Variants in SLC49A4 observed in about 807,000 individuals in gnomAD.
SLC49A4 encodes the protein disrupted in renal cancer protein 2.
In SLC49A4, 36 loss-of-function variants were observed where a neutral mutation model predicts 50.6. The ratio of observed to expected loss-of-function variants is 0.71; its 90% CI spans 0.55 to 0.94. SLC49A4 has a LOEUF of 0.94. Among genes scored for constraint, SLC49A4 ranks in the 40% least tolerant of loss-of-function variants. The pLI, the probability that SLC49A4 is intolerant of heterozygous loss-of-function variation, is 0.00. For synonymous variants in SLC49A4, 248 were observed against 241.2 expected (o/e 1.03, Z -0.26); for missense variants, 503 against 605.7 (o/e 0.83, Z 1.78).
At chr3:122,824,982 C>T (rs766949219) in intron 2 of SLC49A4, among the ~76,000 whole-genome samples, 40 of 152,078 alleles carry the variant, frequency 2.6e-4, no homozygotes, top group Admixed American at 1.5e-3. Flanking sequence ...ATCCACCCAC[C>T]TCGGCCTCCC....
intron 3 of SLC49A4, among the ~76,000 whole-genome samples, chr3:122,829,579 C>T (rs954460778): frequency 6.6e-6 from 1 of 152,144 alleles, no homozygotes; most frequent in Non-Finnish European, 1.5e-5. Context: ...ATAGCAAAAC[C>T]CCATCTCTAC....
intron 3 of SLC49A4, among the ~76,000 whole-genome samples, chr3:122,829,333 C>T (rs1355612214): frequency 6.6e-6 from 1 of 152,268 alleles, no homozygotes; most frequent in Middle Eastern, 3.4e-3. Context: ...AGGGAAAAAA[C>T]ATGATCATCT....
At chr3:122,853,242 T>C (rs1576306991) in intron 5 of SLC49A4, among the ~76,000 whole-genome samples, 1 of 152,174 alleles carries the variant, frequency 6.6e-6, no homozygotes, top group East Asian at 1.9e-4. Context: ...ATAAGGGCAC[T>C]CATCCCTTAA....
intron 2 of SLC49A4, among the ~76,000 whole-genome samples, chr3:122,818,884 A>G (rs1189381633): frequency 1.3e-5 from 2 of 151,996 alleles, no homozygotes; most frequent in African/African-American, 2.4e-5. Flanking sequence ...CAGAGGTTGC[A>G]GTGAGCTGAA....
chr3:122,806,705 G>A (rs986907151), intron 1 of SLC49A4, 152 bp from the exon 2 acceptor site: 22 of 566,622 alleles, frequency 3.9e-5, no homozygotes, highest in Non-Finnish European at 5.9e-5. Flanking sequence ...TGTAGGGTTC[G>A]TTGTTTTTTT....
intron 4 of SLC49A4, among the ~76,000 whole-genome samples, chr3:122,842,485 C>CAAAAAA (rs34914829): frequency 1.2e-4 from 7 of 58,762 alleles, no homozygotes; most frequent in Non-Finnish European, 1.7e-4. Context: ...GACTCCGTCT[C>CAAAAAA]AAAAAAAAAA....
intron 2 of SLC49A4, among the ~76,000 whole-genome samples, chr3:122,824,681 C>T (rs1303908759): frequency 9.6e-5 from 14 of 145,940 alleles, no homozygotes; most frequent in Non-Finnish European, 2.0e-4. Context: ...TCCTTCCTTC[C>T]CTCCCTCCCT....
At chr3:122,849,721 TG>T (rs1936900642) in intron 5 of SLC49A4, among the ~76,000 whole-genome samples, 2 of 152,270 alleles carry the variant, frequency 1.3e-5, no homozygotes, top group African/African-American at 4.8e-5. Flanking sequence ...AGATAGATAG[TG>T]GTTCTTAATC....
chr3:122,821,362 A>G (rs1936449981), intron 2 of SLC49A4, among the ~76,000 whole-genome samples: 1 of 152,178 alleles, frequency 6.6e-6, no homozygotes, highest in Admixed American at 6.5e-5. Flanking sequence ...AAAAGGAGAA[A>G]GACTTCAGAG....
At chr3:122,808,675 A>G (rs767791618) in intron 2 of SLC49A4, among the ~76,000 whole-genome samples, 3 of 152,152 alleles carry the variant, frequency 2.0e-5, no homozygotes, top group Non-Finnish European at 4.4e-5. Context: ...TGAGAGTGCC[A>G]TGGTGCTCGG....
At chr3:122,820,383 T>C (rs564374556) in intron 2 of SLC49A4, among the ~76,000 whole-genome samples, 24 of 152,342 alleles carry the variant, frequency 1.6e-4, no homozygotes, top group African/African-American at 5.5e-4. Context: ...GTTATTAACT[T>C]TCTGGAAGGG....
At position 122,833,371 on chromosome 3, in the gene SLC49A4, G is replaced by T. The variant is rs369259024; in HGVS notation, c.758G>T (p.Arg253Leu). The change falls in exon 4 of 9, where the codon CGA becomes CTA. Residue 253 changes from arginine (R) to leucine (L), a missense_variant. Transcript: ENST00000261038. Reference protein sequence around the residue: ...FSATLAYFPPRPPLPPSVAAA... With the variant: ...FSATLAYFPPLPPLPPSVAAA... ...GCAACACTAGCTTATTTCCCACCCC[G>T]ACCTCCTCTTCCTCCCAGTGTTGCT... 1.7e-5 allele frequency: 27 copies of T among 1,610,912 alleles called. No homozygotes were observed. Among genetic ancestry groups the T allele is most frequent in the Admixed American group, 6.7e-5 (4 of 59,928 alleles).
At chr3:122,848,668 T>A (rs1385707359) in intron 5 of SLC49A4, among the ~76,000 whole-genome samples, 7 of 151,430 alleles carry the variant, frequency 4.6e-5, no homozygotes, top group African/African-American at 1.7e-4. Context: ...AATTTTTATT[T>A]TATTTTTCTT....
chr3:122,796,741 G>T (rs557596434), intron 1 of SLC49A4, among the ~76,000 whole-genome samples: 1 of 152,134 alleles, frequency 6.6e-6, no homozygotes, highest in African/African-American at 2.4e-5. Flanking sequence ...TGAATTTGAG[G>T]CCTGGCGCAG....
At chr3:122,865,788 C>G (rs1937111021) in intron 7 of SLC49A4, among the ~76,000 whole-genome samples, 1 of 152,164 alleles carries the variant, frequency 6.6e-6, no homozygotes, top group East Asian at 1.9e-4. Flanking sequence ...AAAGTTCAGT[C>G]AGTATGCACA....
At chr3:122,840,891 G>A (rs1936761249) in intron 4 of SLC49A4, among the ~76,000 whole-genome samples, 1 of 152,010 alleles carries the variant, frequency 6.6e-6, no homozygotes, top group African/African-American at 2.4e-5. Flanking sequence ...CATTCTATAG[G>A]CCATTGTTTG....
intron 1 of SLC49A4, among the ~76,000 whole-genome samples, chr3:122,799,008 T>C (rs1936092495): frequency 6.6e-6 from 1 of 152,046 alleles, no homozygotes; most frequent in South Asian, 2.1e-4. Flanking sequence ...CCACCCTTTT[T>C]CATTTACCAG....
At chr3:122,857,277 T>C (rs983022656) in intron 6 of SLC49A4, among the ~76,000 whole-genome samples, 2 of 105,800 alleles carry the variant, frequency 1.9e-5, no homozygotes, top group African/African-American at 7.1e-5. Context: ...AAAGGTCCCA[T>C]TCGTTCTAAA....
chr3:122,815,606 A>G (rs978094230), intron 2 of SLC49A4, among the ~76,000 whole-genome samples: 1 of 152,338 alleles, frequency 6.6e-6, no homozygotes, highest in African/African-American at 2.4e-5. Flanking sequence ...CCCTCTTCCC[A>G]TGTAGAGAAC....
Sources: allele counts gnomAD v4.1 joint callset (sites outside exome capture counted in the v4.1 genomes callset), GRCh38; gene constraint gnomAD v4.1.1; transcripts MANE v1.5; gene names NCBI Gene and HGNC (gene_info 2026-07-23, HGNC 2026-07-21).